The following USP48 variants were observed in gnomAD, a reference collection of about 807,000 sequenced individuals.
The protein encoded by USP48 is ubiquitin specific peptidase 48, also known as ubiquitin carboxyl-terminal hydrolase 48.
USP48 carries 43 observed loss-of-function variants against 150.7 expected under a neutral mutation model. The ratio of observed to expected loss-of-function variants is 0.29; its 90% confidence interval spans 0.22 to 0.37. USP48 has a LOEUF of 0.37. USP48 is among the 10% of genes least tolerant of loss of function. The pLI, the probability that USP48 is intolerant of heterozygous loss-of-function variation, is 1.00. For missense variants in USP48, 813 were observed against 1,249.6 expected (o/e 0.65, Z 5.27); for synonymous variants, 396 against 425.9 (o/e 0.93, Z 0.86).
intron 17 of USP48, 113 bp downstream of exon 17, chr1:21,706,354 T>C: frequency 6.5e-7 from 1 of 1,539,262 alleles, no homozygotes; most frequent in Non-Finnish European, 8.8e-7. Flanking sequence ...GTTAGATAAC[T>C]AAACAAATGA....
intron 15 of USP48, among the ~76,000 whole-genome samples, chr1:21,712,367 C>A (rs10799707): frequency 0.48 from 73,011 of 151,818 alleles, 18,035 homozygotes; most frequent in East Asian, 0.66. Flanking sequence ...TCAAAAAAAA[C>A]CAAAACAAAA....
At chr1:21,696,609 T>C (rs967690412) in intron 22 of USP48, among the ~76,000 whole-genome samples, 2 of 152,138 alleles carry the variant, frequency 1.3e-5, no homozygotes, top group African/African-American at 2.4e-5. Context: ...TAGGGAGTTT[T>C]CGTTAGTTTT....
rs1192340879 is a variant in USP48 at position 21,679,448 on chromosome 1, A to G, written c.3086-9T>C. ...TCCAAGAAGACCAGTACCTGGGAAAAGAAACACACGTGGAGGGATAGTTGT... is the reference window on the plus strand; with the variant it reads ...TCCAAGAAGACCAGTACCTGGGAAAGGAAACACACGTGGAGGGATAGTTGT... On this transcript the variant is annotated splice_polypyrimidine_tract_variant and intron_variant, in intron 26 of 26. Transcript: ENST00000308271. The G allele has an allele frequency of 6.2e-7, 1 of 1,614,052 alleles. No individual in the cohort carries two copies. Among genetic ancestry groups the G allele is most frequent in the East Asian group, 2.2e-5 (1 of 44,878 alleles).
chr1:21,703,415 G>A, intron 21 of USP48, 97 bp downstream of exon 21: 1 of 753,814 alleles, frequency 1.3e-6, no homozygotes, highest in South Asian at 2.4e-5. Context: ...GAACAAAAAT[G>A]CAGTCCTAGG....
At chr1:21,773,432 G>C (rs183613637) in intron 1 of USP48, among the ~76,000 whole-genome samples, 1 of 152,046 alleles carries the variant, frequency 6.6e-6, no homozygotes, top group Admixed American at 6.6e-5. Flanking sequence ...GGAGGCCAAG[G>C]CTGAGGATTT....
At chr1:21,745,756 T>C (rs1426034059) in intron 8 of USP48, among the ~76,000 whole-genome samples, 1 of 152,182 alleles carries the variant, frequency 6.6e-6, no homozygotes, top group African/African-American at 2.4e-5. Flanking sequence ...TCAAGCAAAG[T>C]GCTCATTTCA....
intron 18 of USP48, 88 bp from the exon 19 acceptor site, chr1:21,705,925 A>G: frequency 8.5e-7 from 1 of 1,182,528 alleles, no homozygotes; most frequent in Non-Finnish European, 1.2e-6. Context: ...AAAATCAGAG[A>G]TATATTTAAG....
At chr1:21,701,945 A>G (rs2097658219) in intron 21 of USP48, among the ~76,000 whole-genome samples, 1 of 152,208 alleles carries the variant, frequency 6.6e-6, no homozygotes, top group African/African-American at 2.4e-5. Flanking sequence ...ACTGATTGCC[A>G]AGCCTTTTCA....
intron 8 of USP48, among the ~76,000 whole-genome samples, chr1:21,743,887 AC>A (rs1316215247): frequency 6.6e-6 from 1 of 152,234 alleles, no homozygotes; most frequent in Non-Finnish European, 1.5e-5. Context: ...CTATAGAAGG[AC>A]AAGGCAAGGT....
rs941457028 is a variant in USP48, at chr1:21,753,504, G to A, written c.413-385C>T. 3.3e-5 allele frequency among the ~76,000 whole-genome samples: 5 copies of A among 151,348 alleles called. No homozygotes were observed. The Middle Eastern group carries it at 0.01, about 311-fold the overall frequency. ...CGGGAGGAAGAGGCTGCAGTGAGGT[G>A]AGATCGCCAACAAAGTGAGACTCTC... On this transcript the variant is annotated intron_variant, in intron 3 of 26. Transcript: ENST00000308271.
chr1:21,695,058 T>G lies in USP48; in HGVS notation c.2883+8A>C. 6.2e-7 allele frequency: 1 copy of G among 1,607,010 alleles called. No homozygotes were observed. Among genetic ancestry groups the G allele is most frequent in the Non-Finnish European group, 8.5e-7 (1 of 1,177,586 alleles). ...TCCAGAGCAAACTTGAACAAATGTT[T>G]CCCTCACCTGAATTTTCAATTCTTT... On this transcript the variant is annotated splice_region_variant and intron_variant, in intron 23 of 26. Coordinates refer to ENST00000308271, the MANE Select transcript of USP48 (RefSeq NM_032236.8).
rs35810751 is a variant in USP48, at chr1:21,764,711, C to CAAA, written c.135-6931_135-6929dup. Among the ~76,000 whole-genome samples the CAAA allele has an allele frequency of 4.0e-4, 43 of 108,234 alleles. 1 individual carries two copies. Among genetic ancestry groups the CAAA allele is most frequent in the South Asian group, 6.5e-4 (2 of 3,090 alleles). The allele number at this position is 108,234 out of a possible 152,430, so 71.0% of individuals were successfully genotyped here. On this transcript the variant is annotated intron_variant, in intron 1 of 26. Coordinates refer to ENST00000308271, the MANE Select transcript of USP48 (RefSeq NM_032236.8). ...TGGGTGACAGAGTGGCACTCCGTCT[C>CAAA]AAAAAAAAAAAAAAAAAAAGACTTG...
At chr1:21,710,791 A>G (rs1217465959) in intron 15 of USP48, among the ~76,000 whole-genome samples, 1 of 145,994 alleles carries the variant, frequency 6.8e-6, no homozygotes, top group Non-Finnish European at 1.5e-5. Context: ...TCAAATCACA[A>G]TAAAGAATTA....
At chr1:21,764,572 T>C (rs186085633) in intron 1 of USP48, among the ~76,000 whole-genome samples, 1 of 151,008 alleles carries the variant, frequency 6.6e-6, no homozygotes, top group African/African-American at 2.4e-5. Flanking sequence ...CCAGGTATGG[T>C]GGCAGGTGCT....
chr1:21,694,597 A>C lies in USP48; in HGVS notation c.2883+469T>G, dbSNP rs1198709629. On this transcript the variant is annotated intron_variant, in intron 23 of 26. Transcript: ENST00000308271. The stretch of plus-strand genomic sequence containing the variant: ...CAAAAAAAAAAAAAAAAAAAAAAAA[A>C]AAAAAAAAAACCCCCTCTATCTATC... Among the ~76,000 whole-genome samples, 20 of 113,248 alleles carry C rather than the reference A, an allele frequency of 1.8e-4. 1 individual carries two copies. The highest frequency in any genetic ancestry group is 6.8e-4 in the African/African-American group (19 of 27,918). The allele number at this position is 113,248 out of a possible 152,430, so 74.3% of individuals were successfully genotyped here. A position where few individuals can be genotyped will look rare whatever the true frequency, so the allele number is the denominator to read the frequency against.
rs1345256644 is a variant in USP48, at chr1:21,721,769, A to G, written c.1649-5T>C. 1.9e-6 allele frequency: 3 copies of G among 1,557,820 alleles called. No individual in the cohort carries two copies. The highest frequency in any genetic ancestry group is 2.6e-6 in the Non-Finnish European group (3 of 1,146,274). On this transcript the variant is annotated splice_region_variant and splice_polypyrimidine_tract_variant and intron_variant, in intron 12 of 26. Coordinates refer to ENST00000308271, the MANE Select transcript of USP48 (RefSeq NM_032236.8). Reference sequence around the variant, plus strand: ...ATTCCTTACACAGGGCTTTCACTACAGGCAAGAAAGAATGAAAGGAAATAT... The same window carrying G: ...ATTCCTTACACAGGGCTTTCACTACGGGCAAGAAAGAATGAAAGGAAATAT...
chr1:21,744,319 G>A (rs897750877), intron 8 of USP48, among the ~76,000 whole-genome samples: 4 of 151,804 alleles, frequency 2.6e-5, no homozygotes, highest in Admixed American at 6.6e-5. Flanking sequence ...GATGGCATGC[G>A]TCTGTAGTCC....
intron 1 of USP48, among the ~76,000 whole-genome samples, chr1:21,776,803 A>G (rs1476741657): frequency 6.6e-6 from 1 of 151,934 alleles, no homozygotes; most frequent in Non-Finnish European, 1.5e-5. Context: ...AAAATACAAA[A>G]ATTAGCCGGG....
chr1:21,680,267 A>G (rs953036627), intron 26 of USP48, among the ~76,000 whole-genome samples: 1 of 152,254 alleles, frequency 6.6e-6, no homozygotes, highest in Non-Finnish European at 1.5e-5. Flanking sequence ...TCTGTATTTG[A>G]TGACTTCTTG....
Sources: allele counts gnomAD v4.1 joint callset (sites outside exome capture counted in the v4.1 genomes callset), GRCh38; gene constraint gnomAD v4.1.1; transcripts MANE v1.5; gene names NCBI Gene and HGNC (gene_info 2026-07-23, HGNC 2026-07-21).